RANBP2: variants seen among roughly 807,000 people sequenced by gnomAD.
RANBP2 encodes RAN binding protein 2, also known as E3 SUMO-protein ligase RanBP2.
Under a neutral mutation model 303.6 loss-of-function variants are expected in RANBP2, and 57 were observed. That is an observed-to-expected ratio of 0.19 (90% CI 0.15 to 0.23). The LOEUF is 0.23. Among genes scored for constraint, RANBP2 ranks in the 10% least tolerant of loss-of-function variants. The pLI is 1.00. For missense variants in RANBP2, 3,138 were observed against 3,780.8 expected, an observed-to-expected ratio of 0.83 and a Z score of 4.46; for synonymous variants, 1,167 against 1,301.5, an observed-to-expected ratio of 0.90 and a Z score of 2.23.
the RANBP2 span, among the ~76,000 whole-genome samples, chr2:109,658,924 G>A: frequency 6.6e-6 from 1 of 152,162 alleles, no homozygotes. Flanking sequence ...AACTAGCTGG[G>A]TGTGGTGATG....
At chr2:109,060,950 C>A in the RANBP2 span, among the ~76,000 whole-genome samples, 4 of 152,168 alleles carry the variant, frequency 2.6e-5, no homozygotes, top group Admixed American at 2.6e-4. Context: ...CATAGTCCAG[C>A]ACCCTAAGGA....
intron 7 of RANBP2, among the ~76,000 whole-genome samples, chr2:108,742,852 G>A (rs1394587755): frequency 6.6e-6 from 1 of 151,992 alleles, no homozygotes; most frequent in Non-Finnish European, 1.5e-5. Flanking sequence ...ACAGTGGCAC[G>A]ACCTCGGCTC....
At chr2:109,224,718 A>G in the RANBP2 span, among the ~76,000 whole-genome samples, 2 of 152,166 alleles carry the variant, frequency 1.3e-5, no homozygotes, top group Non-Finnish European at 2.9e-5. Context: ...TTAGCCCAGC[A>G]TGGTGGTGGG....
the RANBP2 span, among the ~76,000 whole-genome samples, chr2:109,264,993 G>A: frequency 6.6e-6 from 1 of 152,228 alleles, no homozygotes; most frequent in Admixed American, 6.5e-5. Flanking sequence ...ATAGCCGCAT[G>A]CTCTGTCTTA....
At chr2:108,926,379 A>G in the RANBP2 span, among the ~76,000 whole-genome samples, 1 of 152,020 alleles carries the variant, frequency 6.6e-6, no homozygotes, top group African/African-American at 2.4e-5. Flanking sequence ...GTCCCCTGGG[A>G]TCTGTTGTTT....
chr2:109,021,243 A>G, the RANBP2 span, among the ~76,000 whole-genome samples: 1 of 152,168 alleles, frequency 6.6e-6, no homozygotes, highest in Non-Finnish European at 1.5e-5. Flanking sequence ...TGGCAAAGCC[A>G]TCGGGCGCGG....
At chr2:108,885,433 C>T in the RANBP2 span, 1 of 152,156 alleles carries the variant, frequency 6.6e-6, no homozygotes, top group Non-Finnish European at 1.5e-5. Context: ...AATATAATGG[C>T]TTTCTCACTT....
the RANBP2 span, among the ~76,000 whole-genome samples, chr2:109,532,866 A>C: frequency 6.6e-6 from 1 of 152,140 alleles, no homozygotes; most frequent in East Asian, 1.9e-4. Flanking sequence ...CTCACACAGG[A>C]GCTCTCACCA....
the RANBP2 span, among the ~76,000 whole-genome samples, chr2:109,732,380 G>A: frequency 5.4e-3 from 828 of 152,134 alleles, 2 homozygotes; most frequent in South Asian, 0.026. Context: ...CTGGGAATGC[G>A]CACAAGCCTG....
the RANBP2 span, chr2:108,896,853 A>G: frequency 6.4e-7 from 1 of 1,554,834 alleles, no homozygotes; most frequent in East Asian, 2.3e-5. Flanking sequence ...ACAGCTCCAG[A>G]GCCCTCGTTG....
chr2:109,090,358 AC>A, the RANBP2 span, among the ~76,000 whole-genome samples: 2 of 148,210 alleles, frequency 1.3e-5, no homozygotes, highest in African/African-American at 2.5e-5. Flanking sequence ...ACACACACAC[AC>A]CACGTCTATG....
At chr2:109,731,156 AC>A in the RANBP2 span, among the ~76,000 whole-genome samples, 1 of 152,110 alleles carries the variant, frequency 6.6e-6, no homozygotes, top group Non-Finnish European at 1.5e-5. Flanking sequence ...CCACCTTCTA[AC>A]ATCTTCACCT....
chr2:109,450,942 T>C, the RANBP2 span, among the ~76,000 whole-genome samples: 1 of 152,238 alleles, frequency 6.6e-6, no homozygotes, highest in Admixed American at 6.5e-5. Flanking sequence ...GGACAGCCTC[T>C]CTCTCTTTCT....
At chr2:109,360,513 T>G in the RANBP2 span, among the ~76,000 whole-genome samples, 1 of 152,334 alleles carries the variant, frequency 6.6e-6, no homozygotes, top group East Asian at 1.9e-4. Flanking sequence ...GTGTTTAGAC[T>G]GGGGTCCCAT....
chr2:109,450,118 G>A, the RANBP2 span, among the ~76,000 whole-genome samples: 2 of 152,334 alleles, frequency 1.3e-5, no homozygotes, highest in South Asian at 2.1e-4. Context: ...GGCTGAGGCG[G>A]GCGGATCACC....
the RANBP2 span, among the ~76,000 whole-genome samples, chr2:109,672,868 T>C: frequency 6.6e-6 from 1 of 152,240 alleles, no homozygotes; most frequent in Non-Finnish European, 1.5e-5. Context: ...TTCTTAGGTG[T>C]GTTTCTCAAT....
chr2:108,762,800 ATC>A (rs1491071284), intron 19 of RANBP2, among the ~76,000 whole-genome samples: 1 of 133,332 alleles, frequency 7.5e-6, no homozygotes, highest in African/African-American at 2.8e-5. Context: ...AAATGTTACC[ATC>A]ATCATCATCA....
the RANBP2 span, among the ~76,000 whole-genome samples, chr2:108,829,718 C>T: frequency 6.6e-6 from 1 of 152,172 alleles, no homozygotes; most frequent in Non-Finnish European, 1.5e-5. Flanking sequence ...CACACTACAG[C>T]CTGGGAGACA....
In RANBP2 at chr2:108,755,085, G is replaced by A. The variant is rs1676195780; in HGVS notation, c.2382+1G>A. On this transcript the variant is annotated splice_donor_variant, in intron 16 of 28. Transcript: ENST00000283195. LOFTEE classifies it high-confidence loss of function. ...ACTATCACCAAGTAAAAGTTACAAG[G>A]TAAACAGGAAAGAATGGAATCATTT... 1 of 1,611,802 alleles carries A rather than the reference G, an allele frequency of 6.2e-7. No homozygotes were observed. Among genetic ancestry groups the A allele is most frequent in the African/African-American group, 1.3e-5 (1 of 74,834 alleles).
Sources: allele counts gnomAD v4.1 joint callset (sites outside exome capture counted in the v4.1 genomes callset), GRCh38; gene constraint gnomAD v4.1.1; transcripts MANE v1.5; gene names NCBI Gene and HGNC (gene_info 2026-07-23, HGNC 2026-07-21).